The following KIZ variants were observed in gnomAD, a reference collection of about 807,000 sequenced individuals.
KIZ encodes kizuna centrosomal protein.
Under a neutral mutation model 79.6 loss-of-function variants are expected in KIZ, and 68 were observed. The observed-to-expected ratio is 0.85, with a 90% CI of 0.70 to 1.05. The LOEUF (loss-of-function observed/expected upper bound fraction) is 1.05, where lower values mean the gene tolerates loss of function less well. Ranked by LOEUF, KIZ falls within the 50% of genes least tolerant of loss-of-function variation. The pLI, the probability that KIZ is intolerant of heterozygous loss-of-function variation, is 0.00. For missense variants in KIZ, 797 were observed against 800.4 expected (o/e 1.00, Z 0.05); for synonymous variants, 280 against 281.8 (o/e 0.99, Z 0.06).
intron 4 of KIZ, among the ~76,000 whole-genome samples, chr20:21,149,750 C>T (rs772620244): frequency 3.3e-5 from 5 of 152,200 alleles, no homozygotes; most frequent in South Asian, 4.1e-4. Flanking sequence ...GGACCTGGCT[C>T]ATCTCCAAGG....
chr20:21,244,504 A>G, intron 12 of KIZ: 2 of 549,290 alleles, frequency 3.6e-6, no homozygotes, highest in South Asian at 5.2e-5. Context: ...ACAGGGGCAG[A>G]GCATTGTAAT....
chr20:21,237,788 T>C (rs1245186125), intron 11 of KIZ, among the ~76,000 whole-genome samples: 2 of 152,176 alleles, frequency 1.3e-5, no homozygotes, highest in African/African-American at 4.8e-5. Flanking sequence ...CTAGAAGCCA[T>C]TTCCCAGTAC....
Position 21,163,081 on chromosome 20 carries a change from C to T in KIZ, c.1274C>T (p.Thr425Ile). ...GAGCAAGAAAGAGTTGCCCTATCCA[C>T]TGAAAAAAATTGTATTTTGCAAACC... ...HAEQERVALS[T>I]EKNCILQTLS... Residue 425 changes from threonine (T) to isoleucine (I), a missense_variant, in exon 6 of 13, where the codon ACT (threonine) becomes ATT (isoleucine). Physicochemically the swap from Thr to Ile is moderately conservative, Grantham distance 89 (BLOSUM62 -1). Transcript: ENST00000619189. The T allele has an allele frequency of 6.2e-7, 1 of 1,613,614 alleles. No individual in the cohort carries two copies. Among genetic ancestry groups the T allele is most frequent in the African/African-American group, 1.3e-5 (1 of 74,974 alleles).
chr20:21,170,391 C>CT (rs1219875909), intron 6 of KIZ, among the ~76,000 whole-genome samples: 1,775 of 142,598 alleles, frequency 0.012, 32 homozygotes, highest in African/African-American at 0.034. Flanking sequence ...AATACTAGAT[C>CT]TTTTTTTTTT....
intron 7 of KIZ, among the ~76,000 whole-genome samples, chr20:21,207,090 C>A (rs1475189236): frequency 6.6e-6 from 1 of 152,092 alleles, no homozygotes; most frequent in Non-Finnish European, 1.5e-5. Context: ...GGCTTTGATT[C>A]TTTTTAAGGT....
intron 6 of KIZ, among the ~76,000 whole-genome samples, chr20:21,192,268 T>C (rs1204422933): frequency 1.3e-5 from 2 of 151,544 alleles, no homozygotes; most frequent in African/African-American, 2.4e-5. Flanking sequence ...CATTTTGTTG[T>C]TCATTTCTGG....
At chr20:21,213,941 T>C (rs1013635263) in intron 7 of KIZ, 3 of 152,424 alleles carry the variant, frequency 2.0e-5, no homozygotes, top group African/African-American at 7.2e-5. Flanking sequence ...TAGTACTTGA[T>C]TGAAGATTGG....
intron 6 of KIZ, among the ~76,000 whole-genome samples, chr20:21,164,819 A>C (rs1182624101): frequency 6.6e-6 from 1 of 151,784 alleles, no homozygotes; most frequent in African/African-American, 2.4e-5. Context: ...GGGAATTTTG[A>C]GTATTTCTCT....
At chr20:21,195,902 G>T (rs1484424645) in intron 6 of KIZ, 1 of 152,504 alleles carries the variant, frequency 6.6e-6, no homozygotes, top group Non-Finnish European at 1.5e-5. Flanking sequence ...TACCTTCCCT[G>T]TAGTCAGCTG....
chr20:21,209,379 C>G (rs1289133512), intron 7 of KIZ, among the ~76,000 whole-genome samples: 1 of 152,150 alleles, frequency 6.6e-6, no homozygotes, highest in Admixed American at 6.5e-5. Flanking sequence ...CCAAGTGATA[C>G]CTGTTTCTGC....
intron 9 of KIZ, among the ~76,000 whole-genome samples, chr20:21,221,297 C>T (rs994364091): frequency 2.6e-5 from 4 of 152,136 alleles, no homozygotes; most frequent in Non-Finnish European, 5.9e-5. Context: ...CAGCACCTAG[C>T]ACAGTATCTG....
At chr20:21,145,037 A>G (rs1383820975) in intron 3 of KIZ, among the ~76,000 whole-genome samples, 1 of 152,132 alleles carries the variant, frequency 6.6e-6, no homozygotes, top group Non-Finnish European at 1.5e-5. Flanking sequence ...TGTCTGCAGT[A>G]TATTTTTATT....
rs562347345 is a variant in KIZ at position 21,153,347 on chromosome 20, A to G, written c.405+7693A>G. Among the ~76,000 whole-genome samples the G allele has an allele frequency of 7.9e-5, 12 of 152,280 alleles. 1 individual carries two copies. The South Asian group carries it at 2.5e-3, about 32-fold the overall frequency. On this transcript the variant is annotated intron_variant, in intron 4 of 12. Coordinates refer to ENST00000619189, the MANE Select transcript of KIZ (RefSeq NM_018474.6). ...GGGAGACTACCTATGAATTGAAGAAATAGGAGGTAATAGCACTTGATGGTG... is the reference window on the plus strand; with the variant it reads ...GGGAGACTACCTATGAATTGAAGAAGTAGGAGGTAATAGCACTTGATGGTG...
At chr20:21,131,754 T>TA in intron 1 of KIZ, 1 of 217,736 alleles carries the variant, frequency 4.6e-6, no homozygotes, top group East Asian at 1.6e-4. Context: ...ACTCAGGAAA[T>TA]ACTTGCTAAA....
chr20:21,215,165 C>A (rs6137292), intron 8 of KIZ, among the ~76,000 whole-genome samples: 64,383 of 152,038 alleles, frequency 0.42, 15,502 homozygotes, highest in African/African-American at 0.67. Flanking sequence ...TTTAATAACC[C>A]ATTTTGAGCA....
At chr20:21,126,708 C>G (rs578190128) in intron 1 of KIZ, among the ~76,000 whole-genome samples, 5 of 152,112 alleles carry the variant, frequency 3.3e-5, no homozygotes, top group Non-Finnish European at 7.4e-5. Flanking sequence ...TTAGGGGTAG[C>G]GAGGGCTGGC....
chr20:21,152,538 T>TG (rs1258233041), intron 4 of KIZ, among the ~76,000 whole-genome samples: 1 of 152,138 alleles, frequency 6.6e-6, no homozygotes, highest in Non-Finnish European at 1.5e-5. Flanking sequence ...TTACCCTATT[T>TG]GGGGATGGTG....
intron 1 of KIZ, 122 bp downstream of exon 1, chr20:21,126,326 G>A (rs1229314705): frequency 5.1e-6 from 3 of 593,190 alleles, no homozygotes; most frequent in East Asian, 3.5e-5. Flanking sequence ...CGCGCGCAAC[G>A]CCCCCCAGGC....
At chr20:21,139,575 A>G (rs968269995) in intron 3 of KIZ, among the ~76,000 whole-genome samples, 1 of 152,204 alleles carries the variant, frequency 6.6e-6, no homozygotes, top group Non-Finnish European at 1.5e-5. Flanking sequence ...AAAGGAAATA[A>G]TAGAACATTT....
Sources: allele counts gnomAD v4.1 joint callset (sites outside exome capture counted in the v4.1 genomes callset), GRCh38; gene constraint gnomAD v4.1.1; transcripts MANE v1.5; gene names NCBI Gene and HGNC (gene_info 2026-07-23, HGNC 2026-07-21).